Variants in SLURP2 observed in about 807,000 individuals in gnomAD.
SLURP2 encodes the protein secreted LY6/PLAUR domain containing 2.
Under a neutral mutation model 9.8 loss-of-function variants are expected in SLURP2, and 4 were observed. The observed-to-expected ratio is 0.41, with a 90% CI of 0.20 to 0.94. SLURP2 has a LOEUF of 0.94. Ranked by LOEUF, SLURP2 falls within the 40% of genes least tolerant of loss-of-function variation. SLURP2 has a pLI of 0.32. For missense variants in SLURP2, 118 were observed against 126.4 expected (o/e 0.93, Z 0.32); for synonymous variants, 58 against 56.2 (o/e 1.03, Z -0.15).
At chr8:142,765,935 C>G (rs1814990109) in intron 1 of SLURP2, among the ~76,000 whole-genome samples, 2 of 150,876 alleles carry the variant, frequency 1.3e-5, no homozygotes, top group African/African-American at 4.9e-5. Flanking sequence ...TGCACTCGAG[C>G]CTGGGCGACA....
intron 2 of SLURP2, 95 bp downstream of exon 2, chr8:142,764,941 A>G (rs1303572621): frequency 8.3e-7 from 1 of 1,210,458 alleles, no homozygotes; most frequent in Non-Finnish European, 1.2e-6. Context: ...CTTCTGACTT[A>G]CTGGGTGCCT....
intron 1 of SLURP2, chr8:142,766,458 C>A (rs1307880002): frequency 6.6e-6 from 1 of 152,256 alleles, no homozygotes; most frequent in Admixed American, 6.5e-5. Context: ...CTTAAAACAT[C>A]CCGCTACAGT....
rs1815057023 is a variant in SLURP2 at position 142,768,070 on chromosome 8, A to G, written c.52+1685T>C. 6.7e-6 allele frequency among the ~76,000 whole-genome samples: 1 copy of G among 150,170 alleles called. No homozygotes were observed. The highest frequency in any genetic ancestry group is 1.5e-5 in the Non-Finnish European group (1 of 67,528). ...AGCTCCAAACCGGAAAGGCTGCTCG[A>G]TGGTGACTGTGAGGACACAGGGACA... On this transcript the variant is annotated intron_variant, in intron 1 of 2. Transcript: ENST00000317543. This position sits in a 1 kb window ranked among gnomAD's most constrained non-coding sequence, Gnocchi z 4.8.
chr8:142,769,691 G>T, intron 1 of SLURP2, 64 bp downstream of exon 1: 1 of 1,460,736 alleles, frequency 6.8e-7, no homozygotes. Flanking sequence ...GGGCTGGAGG[G>T]ACGGTGGTTG....
At chr8:142,767,834 C>G (rs928831237) in intron 1 of SLURP2, among the ~76,000 whole-genome samples, 1 of 152,074 alleles carries the variant, frequency 6.6e-6, no homozygotes, top group Non-Finnish European at 1.5e-5. Context: ...GGCGTTCTAC[C>G]CATTCCTCAG....
intron 1 of SLURP2, among the ~76,000 whole-genome samples, chr8:142,767,087 G>A (rs1235685608): frequency 6.6e-6 from 1 of 152,256 alleles, no homozygotes; most frequent in Admixed American, 6.5e-5. Flanking sequence ...CCAGCACTGA[G>A]CTGACCTCAG....
rs587708726 is a variant in SLURP2 at position 142,764,502 on chromosome 8, A to T, written c.*103T>A. 5.1e-6 allele frequency: 6 copies of T among 1,183,864 alleles called. No individual in the cohort carries two copies. Among genetic ancestry groups the T allele is most frequent in the Admixed American group, 2.2e-5 (1 of 46,278 alleles). 73.3% of individuals were successfully genotyped at this position (1,183,864 alleles called of 1,614,324 possible). A position where few individuals can be genotyped will look rare whatever the true frequency, so the allele number is the denominator to read the frequency against. On this transcript the variant is annotated 3_prime_UTR_variant, in exon 3 of 3. Coordinates refer to ENST00000317543, the MANE Select transcript of SLURP2 (RefSeq NM_177458.3). Reference sequence around the variant, plus strand: ...GGACGGTGGCTGCAGAGGCCGGGAGAGGTGGGCTGGCCAGTCTCGAGGGAG... The same window carrying T: ...GGACGGTGGCTGCAGAGGCCGGGAGTGGTGGGCTGGCCAGTCTCGAGGGAG...
Position 142,764,558 on chromosome 8 carries a change from G to C in SLURP2, c.*47C>G, listed in dbSNP as rs371516279. 5.1e-6 allele frequency: 8 copies of C among 1,584,000 alleles called. No homozygotes were observed. The East Asian group carries it at 1.1e-4, about 22-fold the overall frequency. On this transcript the variant is annotated 3_prime_UTR_variant, in exon 3 of 3. Transcript: ENST00000317543. ...GCTGTGAGCCCTGGCGCCAGGCTGT[G>C]GGGGCTGTGGGGGCTGAGCGTCCGG...
In SLURP2 at chr8:142,768,068, C is replaced by T. The variant is rs962560871; in HGVS notation, c.52+1687G>A. Among the ~76,000 whole-genome samples, 16 of 150,906 alleles carry T rather than the reference C, an allele frequency of 1.1e-4. No individual in the cohort carries two copies. The highest frequency in any genetic ancestry group is 9.3e-4 in the Admixed American group (14 of 15,132). On this transcript the variant is annotated intron_variant, in intron 1 of 2. Transcript: ENST00000317543. This position sits in a 1 kb window ranked among gnomAD's most constrained non-coding sequence, Gnocchi z 4.8. ...TTAGCTCCAAACCGGAAAGGCTGCTCGATGGTGACTGTGAGGACACAGGGA... is the reference window on the plus strand; with the variant it reads ...TTAGCTCCAAACCGGAAAGGCTGCTTGATGGTGACTGTGAGGACACAGGGA...
At position 142,764,497 on chromosome 8, in the gene SLURP2, G is replaced by T; in HGVS notation, c.*108C>A. 8.6e-7 allele frequency: 1 copy of T among 1,157,142 alleles called. No individual in the cohort carries two copies. The highest frequency in any genetic ancestry group is 2.5e-5 in the East Asian group (1 of 39,568). The allele number at this position is 1,157,142 out of a possible 1,614,324, so 71.7% of individuals were successfully genotyped here. On this transcript the variant is annotated 3_prime_UTR_variant, in exon 3 of 3. Coordinates refer to ENST00000317543, the MANE Select transcript of SLURP2 (RefSeq NM_177458.3). ...GTGCTGGACGGTGGCTGCAGAGGCC[G>T]GGAGAGGTGGGCTGGCCAGTCTCGA...
At chr8:142,767,800 A>T (rs778082145) in intron 1 of SLURP2, among the ~76,000 whole-genome samples, 9 of 152,006 alleles carry the variant, frequency 5.9e-5, no homozygotes, top group Non-Finnish European at 8.8e-5. Context: ...CCACCCAAGC[A>T]TGAGGGCCTC....
chr8:142,765,289 G>A (rs1331616909), intron 1 of SLURP2, 149 bp from the exon 2 acceptor site: 2 of 642,646 alleles, frequency 3.1e-6, no homozygotes, highest in Non-Finnish European at 5.4e-6. Context: ...GCCCTCTCAG[G>A]AGCTGGGCCC....
At position 142,764,548 on chromosome 8, in the gene SLURP2, G is replaced by C. The variant is rs750867699; in HGVS notation, c.*57C>G. Reference sequence around the variant, plus strand: ...GGGAGGGGCAGCTGTGAGCCCTGGCGCCAGGCTGTGGGGGCTGTGGGGGCT... The same window carrying C: ...GGGAGGGGCAGCTGTGAGCCCTGGCCCCAGGCTGTGGGGGCTGTGGGGGCT... On this transcript the variant is annotated 3_prime_UTR_variant, in exon 3 of 3. Coordinates refer to ENST00000317543, the MANE Select transcript of SLURP2 (RefSeq NM_177458.3). The C allele has an allele frequency of 1.9e-6, 3 of 1,574,880 alleles. No individual in the cohort carries two copies. In the Admixed American group the frequency reaches 5.7e-5, roughly 30 times the overall value.
At chr8:142,766,378 A>G (rs1006757718) in intron 1 of SLURP2, 1 of 150,462 alleles carries the variant, frequency 6.6e-6, no homozygotes, top group Non-Finnish European at 1.5e-5. Context: ...AGTCCTTTGG[A>G]TGTTAACCCG....
chr8:142,768,618 A>G lies in SLURP2; in HGVS notation c.52+1137T>C, dbSNP rs367748946. ...CAGGCAGAGGCTCCTGTGATGTGCC[A>G]TCCCTGGCCTGGATGGCCACCTGAC... On this transcript the variant is annotated intron_variant, in intron 1 of 2. Transcript: ENST00000317543. This position sits in a 1 kb window ranked among gnomAD's most constrained non-coding sequence, Gnocchi z 4.8. Among the ~76,000 whole-genome samples the G allele has an allele frequency of 1.5e-4, 23 of 152,236 alleles. No homozygotes were observed. The highest frequency in any genetic ancestry group is 5.3e-4 in the African/African-American group (22 of 41,550).
At position 142,768,704 on chromosome 8, in the gene SLURP2, C is replaced by G. The variant is rs1264988245; in HGVS notation, c.52+1051G>C. On this transcript the variant is annotated intron_variant, in intron 1 of 2. Transcript: ENST00000317543. The surrounding 1 kb of genome is among the most constrained non-coding windows in gnomAD (Gnocchi z 4.8). The stretch of plus-strand genomic sequence containing the variant: ...CCAGGTTAAGTCGAGTCCCCAGGCC[C>G]CTGTGTGTCTCGGACCTTCAGCACA... Among the ~76,000 whole-genome samples the G allele has an allele frequency of 6.6e-6, 1 of 152,162 alleles. No individual in the cohort carries two copies. The highest frequency in any genetic ancestry group is 1.5e-5 in the Non-Finnish European group (1 of 68,010).
intron 1 of SLURP2, among the ~76,000 whole-genome samples, chr8:142,767,397 C>T (rs1215112362): frequency 6.6e-6 from 1 of 152,216 alleles, no homozygotes; most frequent in Non-Finnish European, 1.5e-5. Context: ...GCCAATAAGT[C>T]GGACACGCCT....
Position 142,764,720 on chromosome 8 carries a change from T to A in SLURP2, c.179A>T (p.Asp60Val). Residue 60 changes from aspartate to valine, a missense_variant, in exon 3 of 3, where the codon GAT (aspartate) becomes GTT (valine). Coordinates refer to ENST00000317543, the MANE Select transcript of SLURP2 (RefSeq NM_177458.3). ...TATRVLSNTE[D>V]LPLVTKMCHI... ...GCACATCTTGGTGACCAGAGGCAAA[T>A]CCTCGGTGTTGCTGAGGACCCCTGA... 6.2e-7 allele frequency: 1 copy of A among 1,613,352 alleles called. No individual in the cohort carries two copies. The highest frequency in any genetic ancestry group is 8.5e-7 in the Non-Finnish European group (1 of 1,179,748).
Position 142,769,637 on chromosome 8 carries a change from G to C in SLURP2, c.52+118C>G, listed in dbSNP as rs1407464413. 5.8e-6 allele frequency: 5 copies of C among 859,366 alleles called. No homozygotes were observed. In the Admixed American group the frequency reaches 7.1e-5, roughly 12 times the overall value. 53.2% of individuals were successfully genotyped at this position (859,366 alleles called of 1,614,324 possible). On this transcript the variant is annotated intron_variant, in intron 1 of 2. Transcript: ENST00000317543. ...GGAAAGCTGCACCTGGTAGATGGTG[G>C]GGGGACAGGAATGGGTTCTCCCGAG...
Sources: allele counts gnomAD v4.1 joint callset (sites outside exome capture counted in the v4.1 genomes callset), GRCh38; gene constraint gnomAD v4.1.1; non-coding constraint Gnocchi (gnomAD v3.1); transcripts MANE v1.5; gene names NCBI Gene and HGNC (gene_info 2026-07-23, HGNC 2026-07-21).